HERC1: variants seen among roughly 807,000 people sequenced by gnomAD.
The protein encoded by HERC1 is probable E3 ubiquitin-protein ligase HERC1.
Under a neutral mutation model 554.3 loss-of-function variants are expected in HERC1, and 160 were observed. The observed-to-expected ratio is 0.29, with a 90% CI of 0.25 to 0.33. HERC1 has a LOEUF of 0.33. HERC1 is among the 10% of genes least tolerant of loss of function. The pLI is 1.00. For synonymous variants in HERC1, 2,175 were observed against 2,131.7 expected, an observed-to-expected ratio of 1.02 and a Z score of -0.56; for missense variants, 4,919 against 5,918.5, an observed-to-expected ratio of 0.83 and a Z score of 5.54.
chr15:63,741,974 T>G (rs1197413926), intron 12 of HERC1, among the ~76,000 whole-genome samples: 1 of 152,224 alleles, frequency 6.6e-6, no homozygotes, highest in Non-Finnish European at 1.5e-5. Flanking sequence ...TCTGGATCCT[T>G]GAATTTCCAT....
chr15:63,729,860 C>T (rs1182281151), intron 14 of HERC1, among the ~76,000 whole-genome samples: 1 of 151,506 alleles, frequency 6.6e-6, no homozygotes, highest in Non-Finnish European at 1.5e-5. Context: ...CTGGTCTCTA[C>T]TAAAAAATAC....
chr15:63,716,606 A>T, intron 21 of HERC1, 133 bp from the exon 22 acceptor site: 1 of 659,492 alleles, frequency 1.5e-6, no homozygotes, highest in South Asian at 2.3e-5. Context: ...TTACTACAAA[A>T]ACCCAAAAGA....
Position 63,616,545 on chromosome 15 carries a change from C to G in HERC1, c.13826G>C (p.Cys4609Ser), listed in dbSNP as rs1345521105. The change falls in exon 75 of 78, where the codon TGC (cysteine) becomes TCC (serine). Residue 4609 changes from cysteine to serine, a missense_variant. Around this residue, in one of 11 missense-constraint regions of HERC1, gnomAD observed 284 missense variants for 294.1 expected, o/e 0.97. Transcript: ENST00000443617. ...HLAPLVWKQL[C>S]CVPLTLEDLE... Reference sequence around the variant, plus strand: ...GTCCTCTAGGGTGAGTGGGACACAGCACAGCTGCTTCCACACCAGAGGGGC... The same window carrying G: ...GTCCTCTAGGGTGAGTGGGACACAGGACAGCTGCTTCCACACCAGAGGGGC... 1 of 1,613,884 alleles carries G rather than the reference C, an allele frequency of 6.2e-7. No homozygotes were observed. The highest frequency in any genetic ancestry group is 8.5e-7 in the Non-Finnish European group (1 of 1,179,898).
intron 50 of HERC1, among the ~76,000 whole-genome samples, chr15:63,654,699 CA>C (rs372596416): frequency 2.0e-3 from 266 of 133,686 alleles, no homozygotes; most frequent in Middle Eastern, 3.8e-3. Context: ...ACTGAAAATA[CA>C]AAAAAAAAAA....
At position 63,643,048 on chromosome 15, in the gene HERC1, A is replaced by T; in HGVS notation, c.11342T>A (p.Val3781Asp). 6.2e-7 allele frequency: 1 copy of T among 1,607,880 alleles called. No individual in the cohort carries two copies. Among genetic ancestry groups the T allele is most frequent in the African/African-American group, 1.3e-5 (1 of 74,964 alleles). The stretch of plus-strand genomic sequence containing the variant: ...AGAGCCTATCACAACAGTTTGCAAG[A>T]CAGAGCCATCCTAAAATGAGATATA... ...MNIWSLRDGSVLQTVVIGSGA... is the reference protein window; with the variant it reads ...MNIWSLRDGSDLQTVVIGSGA... Residue 3781 changes from valine (V) to aspartate (D), a missense_variant, in exon 59 of 78, where the codon GTC becomes GAC. This residue lies in a region of HERC1 where 1,963 missense variants were observed against 2,228.6 expected (regional missense o/e 0.88). Coordinates refer to ENST00000443617, the MANE Select transcript of HERC1 (RefSeq NM_003922.4).
intron 1 of HERC1, among the ~76,000 whole-genome samples, chr15:63,825,116 C>A (rs1258324805): frequency 6.6e-6 from 1 of 152,098 alleles, no homozygotes; most frequent in Non-Finnish European, 1.5e-5. Context: ...CGAGAGCAGT[C>A]TGGCCAACTT....
intron 32 of HERC1, 94 bp from the exon 33 acceptor site, chr15:63,689,793 C>T: frequency 1.5e-6 from 1 of 669,842 alleles, no homozygotes; most frequent in East Asian, 2.9e-5. Context: ...TATTAACTCG[C>T]ATGCGAAGTT....
intron 74 of HERC1, among the ~76,000 whole-genome samples, chr15:63,619,853 T>C (rs544819366): frequency 0.028 from 4,197 of 152,182 alleles, 184 homozygotes; most frequent in African/African-American, 0.095. Context: ...CCCTTTGTCA[T>C]TTTTTATTGC....
At chr15:63,679,415 G>A (rs1035311291) in intron 36 of HERC1, among the ~76,000 whole-genome samples, 10 of 152,108 alleles carry the variant, frequency 6.6e-5, no homozygotes, top group Non-Finnish European at 4.4e-5. Context: ...ATTTCATTAT[G>A]GAAATATTAT....
intron 1 of HERC1, among the ~76,000 whole-genome samples, chr15:63,792,720 A>C (rs2076688647): frequency 6.6e-6 from 1 of 152,188 alleles, no homozygotes; most frequent in Non-Finnish European, 1.5e-5. Context: ...TTTTCTCCAC[A>C]CGCCAAGCAA....
chr15:63,717,899 A>G (rs1440545158), intron 21 of HERC1, among the ~76,000 whole-genome samples: 1 of 152,114 alleles, frequency 6.6e-6, no homozygotes, highest in Non-Finnish European at 1.5e-5. Context: ...AGTAGTTTCA[A>G]TCTTCATTTC....
chr15:63,713,640 G>C lies in HERC1; in HGVS notation c.4176C>G (p.Ala1392=). The C allele has an allele frequency of 6.2e-7, 1 of 1,611,548 alleles. No individual in the cohort carries two copies. Among genetic ancestry groups the C allele is most frequent in the Non-Finnish European group, 8.5e-7 (1 of 1,178,776 alleles). The stretch of plus-strand genomic sequence containing the variant: ...GGTCTCGGCTACGAGCTACTTCACG[G>C]GCTGAGAGGAAACACTGAAAGATTT... The part of the protein sequence containing the change: ...AGKIFQCFLS[A]REVARSRDRD... The change falls in exon 23 of 78, where the codon GCC becomes GCG. Residue 1392 remains alanine, a synonymous_variant. Transcript: ENST00000443617.
chr15:63,617,644 A>G (rs902550682), intron 74 of HERC1, among the ~76,000 whole-genome samples: 2 of 152,084 alleles, frequency 1.3e-5, no homozygotes, highest in African/African-American at 4.8e-5. Flanking sequence ...AAGTGTTCCT[A>G]TTTCTCCACA....
intron 12 of HERC1, 76 bp downstream of exon 12, chr15:63,746,842 T>C (rs1347460133): frequency 4.8e-6 from 6 of 1,251,330 alleles, no homozygotes; most frequent in East Asian, 5.1e-5. Context: ...CAATGTACAG[T>C]TGAATATATT....
chr15:63,715,630 C>T (rs2073512748), intron 22 of HERC1, among the ~76,000 whole-genome samples: 1 of 152,190 alleles, frequency 6.6e-6, no homozygotes, highest in Admixed American at 6.5e-5. Flanking sequence ...AAAGGCATTG[C>T]TGATCATGTT....
At chr15:63,627,237 G>A (rs1227888227) in intron 70 of HERC1, among the ~76,000 whole-genome samples, 2 of 152,114 alleles carry the variant, frequency 1.3e-5, no homozygotes, top group East Asian at 1.9e-4. Flanking sequence ...AAATCCCTAT[G>A]GGGAATCTTA....
intron 25 of HERC1, among the ~76,000 whole-genome samples, chr15:63,702,616 T>C (rs910201050): frequency 6.6e-6 from 1 of 152,206 alleles, no homozygotes; most frequent in Non-Finnish European, 1.5e-5. Context: ...AGTACCAAAT[T>C]ACTAACATAT....
chr15:63,635,459 A>G lies in HERC1; in HGVS notation c.12414+502T>C, dbSNP rs1161129360. On this transcript the variant is annotated intron_variant, in intron 65 of 77. Transcript: ENST00000443617. ...AGCATACCCTGGAGTAACTACTGCT[A>G]CTCTTCAGCTGTGTACACATGACCT... Among the ~76,000 whole-genome samples, 6 of 152,112 alleles carry G rather than the reference A, an allele frequency of 3.9e-5. No homozygotes were observed. The East Asian group carries it at 9.6e-4, about 24-fold the overall frequency.
chr15:63,762,428 A>G (rs2075641462), intron 3 of HERC1, among the ~76,000 whole-genome samples: 1 of 152,102 alleles, frequency 6.6e-6, no homozygotes, highest in Admixed American at 6.5e-5. Context: ...GGTTCAAGCA[A>G]TTCTCCTGCC....
Sources: allele counts gnomAD v4.1 joint callset (sites outside exome capture counted in the v4.1 genomes callset), GRCh38; gene constraint gnomAD v4.1.1; regional missense constraint gnomAD v4.1.1; transcripts MANE v1.5; gene names NCBI Gene and HGNC (gene_info 2026-07-23, HGNC 2026-07-21).